The following STPG2 variants were observed in gnomAD, a reference collection of about 807,000 sequenced individuals.
STPG2 encodes the protein sperm-tail PG-rich repeat-containing protein 2.
A neutral mutation model predicts 54.2 loss-of-function variants in STPG2; 56 were observed. The ratio of observed to expected loss-of-function variants is 1.03; its 90% CI spans 0.83 to 1.29. The LOEUF (loss-of-function observed/expected upper bound fraction) is 1.29, where lower values mean the gene tolerates loss of function less well. Ranked by LOEUF, STPG2 falls within the 50% of genes most tolerant of loss-of-function variation. The pLI is 0.00. For missense variants in STPG2, 596 were observed against 544.9 expected (o/e 1.09, Z -0.93); for synonymous variants, 200 against 181.8 (o/e 1.10, Z -0.81).
chr4:97,860,839 T>A (rs2149140556), intron 8 of STPG2, among the ~76,000 whole-genome samples: 1 of 152,244 alleles, frequency 6.6e-6, no homozygotes, highest in East Asian at 1.9e-4. Context: ...AAAGTGTGAG[T>A]CCTTGTCTTA....
chr4:97,626,774 A>G (rs2148929082), intron 10 of STPG2, among the ~76,000 whole-genome samples: 1 of 150,622 alleles, frequency 6.6e-6, no homozygotes, highest in Non-Finnish European at 1.5e-5. Flanking sequence ...CTTGTGTTAG[A>G]TTTATTTCTA....
chr4:98,072,664 C>A (rs1305582226), intron 5 of STPG2, among the ~76,000 whole-genome samples: 2 of 152,140 alleles, frequency 1.3e-5, no homozygotes, highest in Admixed American at 1.3e-4. Flanking sequence ...TATAATGCAT[C>A]CCCAACTGTG....
chr4:98,067,043 T>A (rs1005128634), intron 5 of STPG2, among the ~76,000 whole-genome samples: 2 of 152,190 alleles, frequency 1.3e-5, no homozygotes, highest in African/African-American at 4.8e-5. Context: ...AGAAAATGTT[T>A]CTAACATTTA....
intron 8 of STPG2, chr4:97,916,597 A>T (rs1731886395): frequency 1.3e-5 from 2 of 152,792 alleles, no homozygotes; most frequent in Non-Finnish European, 2.9e-5. Flanking sequence ...CACCGAAACA[A>T]TGCTCCCTCC....
At chr4:97,746,337 T>A (rs575513582) in intron 9 of STPG2, among the ~76,000 whole-genome samples, 1 of 151,414 alleles carries the variant, frequency 6.6e-6, no homozygotes, top group African/African-American at 2.4e-5. Context: ...CCATGAATTT[T>A]AAAGCTAAAA....
At chr4:98,112,747 A>G (rs1739400707) in intron 3 of STPG2, among the ~76,000 whole-genome samples, 1 of 152,166 alleles carries the variant, frequency 6.6e-6, no homozygotes, top group Non-Finnish European at 1.5e-5. Flanking sequence ...GAGAAACAAG[A>G]AGTCGTCTGC....
intron 7 of STPG2, among the ~76,000 whole-genome samples, chr4:97,951,514 C>G (rs1004844695): frequency 6.6e-6 from 1 of 151,856 alleles, no homozygotes; most frequent in East Asian, 1.9e-4. Context: ...CTTTTTCCCC[C>G]CTTAAGACTG....
At chr4:97,613,326 C>A (rs764551716) in intron 10 of STPG2, among the ~76,000 whole-genome samples, 11 of 151,848 alleles carry the variant, frequency 7.2e-5, no homozygotes, top group Admixed American at 1.3e-4. Flanking sequence ...TGTGTGATTG[C>A]GTGATTGTGT....
At chr4:98,115,005 T>C (rs1228456474) in intron 3 of STPG2, among the ~76,000 whole-genome samples, 1 of 151,992 alleles carries the variant, frequency 6.6e-6, no homozygotes, top group Non-Finnish European at 1.5e-5. Flanking sequence ...AAGGTCACTG[T>C]CAATTTTGAA....
intron 10 of STPG2, among the ~76,000 whole-genome samples, chr4:97,622,010 A>C (rs1734023823): frequency 6.6e-6 from 1 of 152,216 alleles, no homozygotes; most frequent in Non-Finnish European, 1.5e-5. Context: ...ACATAAATAG[A>C]ACTTTAAAAG....
chr4:97,547,016 A>T (rs550903165), intron 4 of STPG2, among the ~76,000 whole-genome samples: 19 of 152,004 alleles, frequency 1.2e-4, no homozygotes, highest in African/African-American at 3.1e-4. Context: ...AGGTTTTTTT[A>T]AAAAAAATAT....
At chr4:97,574,448 A>G (rs528739629) in intron 10 of STPG2, among the ~76,000 whole-genome samples, 1 of 152,186 alleles carries the variant, frequency 6.6e-6, no homozygotes, top group Admixed American at 6.6e-5. Context: ...TTGTAAAAAA[A>G]AAAAGTATGA....
intron 8 of STPG2, among the ~76,000 whole-genome samples, chr4:97,844,928 C>G (rs1042791053): frequency 9.2e-5 from 14 of 151,830 alleles, no homozygotes; most frequent in Non-Finnish European, 2.1e-4. Context: ...TTAATTATGT[C>G]TTCTGCCCTC....
At chr4:97,879,779 AG>A (rs1378397476) in intron 8 of STPG2, among the ~76,000 whole-genome samples, 1 of 152,226 alleles carries the variant, frequency 6.6e-6, no homozygotes, top group Non-Finnish European at 1.5e-5. Context: ...CACACCTGTT[AG>A]AATGGTAATC....
chr4:98,021,603 T>C (rs1479835270), intron 5 of STPG2, among the ~76,000 whole-genome samples: 1 of 152,186 alleles, frequency 6.6e-6, no homozygotes, highest in Non-Finnish European at 1.5e-5. Context: ...ATCGGTCTAA[T>C]GTTGACAGTG....
intron 9 of STPG2, among the ~76,000 whole-genome samples, chr4:97,824,520 G>A (rs1273585672): frequency 1.3e-5 from 2 of 152,088 alleles, no homozygotes; most frequent in Non-Finnish European, 2.9e-5. Context: ...CAGAAAGAGG[G>A]GTACCTTAGG....
chr4:97,999,143 G>A (rs760271665), intron 5 of STPG2, among the ~76,000 whole-genome samples: 2 of 152,106 alleles, frequency 1.3e-5, no homozygotes, highest in Non-Finnish European at 2.9e-5. Flanking sequence ...GGAGTGACTG[G>A]CTATGCAGAA....
At position 97,509,185 on chromosome 4, in the gene STPG2, C is replaced by A. The variant is rs796668551; in HGVS notation, c.462+203514G>T. Reference sequence around the variant, plus strand: ...AACCTGGTCCGTTTCTGTCTTTGCACTCCTGACAGTCTGTAGCTCCTTCCC... The same window carrying A: ...AACCTGGTCCGTTTCTGTCTTTGCAATCCTGACAGTCTGTAGCTCCTTCCC... On this transcript the variant is annotated intron_variant, in intron 4 of 4. Coordinates refer to the STPG2 transcript ENST00000522676. 1.5e-4 allele frequency among the ~76,000 whole-genome samples: 23 copies of A among 152,118 alleles called. 1 individual carries two copies. Among genetic ancestry groups the A allele is most frequent in the African/African-American group, 5.3e-4 (22 of 41,528 alleles).
chr4:97,920,791 C>G (rs948555511), intron 8 of STPG2, among the ~76,000 whole-genome samples: 2 of 152,182 alleles, frequency 1.3e-5, no homozygotes, highest in Non-Finnish European at 2.9e-5. Flanking sequence ...ACTGTGGCAA[C>G]TATGCATATT....
Sources: allele counts gnomAD v4.1 joint callset (sites outside exome capture counted in the v4.1 genomes callset), GRCh38; gene constraint gnomAD v4.1.1; transcripts MANE v1.5; gene names NCBI Gene and HGNC (gene_info 2026-07-23, HGNC 2026-07-21).